SFXN1: variants seen among roughly 807,000 people sequenced by gnomAD.
The protein encoded by SFXN1 is sideroflexin 1.
A neutral mutation model predicts 39.5 loss-of-function variants in SFXN1; 32 were observed. The observed-to-expected ratio is 0.81, with a 90% CI of 0.61 to 1.09. SFXN1 has a LOEUF of 1.09. SFXN1 is among the 50% of genes least tolerant of loss of function. SFXN1 has a pLI of 0.00. For synonymous variants in SFXN1, 136 were observed against 146.5 expected, an observed-to-expected ratio of 0.93 and a Z score of 0.52; for missense variants, 402 against 407.1, an observed-to-expected ratio of 0.99 and a Z score of 0.11.
Position 175,527,048 on chromosome 5 carries a change from G to C in SFXN1, c.*314G>C. ...AAAAGCACTGGTAGGCATAGAATAG[G>C]TGCTCAGTATATGGTCAGTAAATGT... On this transcript the variant is annotated 3_prime_UTR_variant, in exon 11 of 11. Coordinates refer to ENST00000321442, the MANE Select transcript of SFXN1 (RefSeq NM_022754.7). 1 of 335,820 alleles carries C rather than the reference G, an allele frequency of 3.0e-6. No individual in the cohort carries two copies. Among genetic ancestry groups the C allele is most frequent in the South Asian group, 4.9e-5 (1 of 20,226 alleles). The allele number at this position is 335,820 out of a possible 1,614,324, so 20.8% of individuals were successfully genotyped here.
At chr5:175,525,287 T>C (rs932122029) in intron 10 of SFXN1, among the ~76,000 whole-genome samples, 1 of 152,180 alleles carries the variant, frequency 6.6e-6, no homozygotes, top group Non-Finnish European at 1.5e-5. Context: ...GCCTTCAACA[T>C]CTCAGTTGCA....
chr5:175,507,106 C>T (rs557137825), intron 2 of SFXN1, among the ~76,000 whole-genome samples: 5 of 152,268 alleles, frequency 3.3e-5, no homozygotes, highest in African/African-American at 1.2e-4. Flanking sequence ...GTTCTAGAGG[C>T]TCTAGGAATG....
At chr5:175,503,828 C>T (rs1426129297) in intron 2 of SFXN1, among the ~76,000 whole-genome samples, 1 of 152,058 alleles carries the variant, frequency 6.6e-6, no homozygotes, top group Non-Finnish European at 1.5e-5. Flanking sequence ...CATGGTGAAA[C>T]CCCGTTTCTA....
chr5:175,508,013 C>CAAAA (rs1172321005), intron 2 of SFXN1, among the ~76,000 whole-genome samples: 4 of 150,874 alleles, frequency 2.7e-5, no homozygotes, highest in Admixed American at 1.3e-4. Flanking sequence ...ACTAGCTTTT[C>CAAAA]ATTCTATAGG....
chr5:175,485,676 T>G (rs1759424308), intron 1 of SFXN1, among the ~76,000 whole-genome samples: 1 of 152,250 alleles, frequency 6.6e-6, no homozygotes, highest in South Asian at 2.1e-4. Context: ...TTATTAGACC[T>G]TCTCACAGCT....
chr5:175,528,557 T>A lies in SFXN1; in HGVS notation c.*1823T>A, dbSNP rs1222025412. 6.6e-6 allele frequency: 1 copy of A among 152,128 alleles called. No individual in the cohort carries two copies. The highest frequency in any genetic ancestry group is 1.5e-5 in the Non-Finnish European group (1 of 68,032). 9.4% of individuals were successfully genotyped at this position (152,128 alleles called of 1,614,324 possible). A position where few individuals can be genotyped will look rare whatever the true frequency, so the allele number is the denominator to read the frequency against. ...TAGAAACTATTTAGTTTTGGTAGAT[T>A]TTTTTTCTGACAATGTGACCAGACT... On this transcript the variant is annotated 3_prime_UTR_variant, in exon 11 of 11. Transcript: ENST00000321442.
intron 7 of SFXN1, among the ~76,000 whole-genome samples, chr5:175,515,484 A>G (rs894433346): frequency 6.6e-6 from 1 of 152,226 alleles, no homozygotes; most frequent in Non-Finnish European, 1.5e-5. Context: ...AGTAATTGAC[A>G]TATTGAAATA....
intron 8 of SFXN1, among the ~76,000 whole-genome samples, chr5:175,521,080 G>A (rs531858090): frequency 6.6e-6 from 1 of 152,192 alleles, no homozygotes; most frequent in African/African-American, 2.4e-5. Flanking sequence ...TAAGCTGGCT[G>A]ATTTCATTAC....
chr5:175,510,850 A>G (rs1417427336), intron 4 of SFXN1, among the ~76,000 whole-genome samples: 1 of 152,242 alleles, frequency 6.6e-6, no homozygotes, highest in Non-Finnish European at 1.5e-5. Context: ...TTGACAACAC[A>G]TATTCTTCTA....
chr5:175,508,756 G>A (rs1352616736), intron 2 of SFXN1, among the ~76,000 whole-genome samples: 1 of 152,046 alleles, frequency 6.6e-6, no homozygotes, highest in African/African-American at 2.4e-5. Context: ...TCTTGCCTTA[G>A]CCTCCTGAGT....
At chr5:175,480,593 T>C (rs531857163) in intron 1 of SFXN1, among the ~76,000 whole-genome samples, 16 of 152,316 alleles carry the variant, frequency 1.1e-4, no homozygotes, top group Admixed American at 1.0e-3. Context: ...GTGAAGTGTT[T>C]AGCTGTTCTT....
intron 1 of SFXN1, among the ~76,000 whole-genome samples, chr5:175,490,074 T>G (rs1303999662): frequency 6.6e-6 from 1 of 152,224 alleles, no homozygotes; most frequent in African/African-American, 2.4e-5. Context: ...TGCAATGTTG[T>G]GTCCAAAAGT....
At chr5:175,502,373 A>G (rs2662158) in intron 2 of SFXN1, among the ~76,000 whole-genome samples, 8,329 of 152,236 alleles carry the variant, frequency 0.055, 749 homozygotes, top group African/African-American at 0.19. Flanking sequence ...GAGCCAGACC[A>G]TGAACTGAAT....
At chr5:175,510,580 A>G (rs1026496964) in intron 4 of SFXN1, among the ~76,000 whole-genome samples, 2 of 152,194 alleles carry the variant, frequency 1.3e-5, no homozygotes, top group Non-Finnish European at 2.9e-5. Context: ...GTTGACAGAC[A>G]CCAACGTTAA....
chr5:175,495,429 C>G (rs571282664), intron 2 of SFXN1, among the ~76,000 whole-genome samples: 1 of 152,258 alleles, frequency 6.6e-6, no homozygotes, highest in Non-Finnish European at 1.5e-5. Flanking sequence ...GAATTGTATA[C>G]TTAAAAATGG....
intron 2 of SFXN1, among the ~76,000 whole-genome samples, chr5:175,494,848 T>C (rs1020614895): frequency 4.6e-5 from 7 of 150,708 alleles, no homozygotes; most frequent in African/African-American, 1.7e-4. Flanking sequence ...TAATACCAAA[T>C]AGAGTTAAAA....
At chr5:175,494,049 T>C (rs1204367986) in intron 2 of SFXN1, among the ~76,000 whole-genome samples, 3 of 152,104 alleles carry the variant, frequency 2.0e-5, no homozygotes, top group Non-Finnish European at 4.4e-5. Context: ...GAATGGAGAC[T>C]GAAGATAAAA....
chr5:175,507,388 T>C (rs1369174372), intron 2 of SFXN1, among the ~76,000 whole-genome samples: 1 of 152,212 alleles, frequency 6.6e-6, no homozygotes, highest in Non-Finnish European at 1.5e-5. Context: ...TATAGAAGAA[T>C]ATCTGAAGAC....
Position 175,527,202 on chromosome 5 carries a change from A to G in SFXN1, c.*468A>G, listed in dbSNP as rs1373661696. On this transcript the variant is annotated 3_prime_UTR_variant, in exon 11 of 11. Coordinates refer to ENST00000321442, the MANE Select transcript of SFXN1 (RefSeq NM_022754.7). ...ATACAAAAGCTCTGGGCTAATCTATAAAAACTTACCCTGAAATATTAAGGG... is the reference window on the plus strand; with the variant it reads ...ATACAAAAGCTCTGGGCTAATCTATGAAAACTTACCCTGAAATATTAAGGG... 2 of 138,546 alleles carry G rather than the reference A, an allele frequency of 1.4e-5. No homozygotes were observed. Among genetic ancestry groups the G allele is most frequent in the South Asian group, 2.3e-4 (1 of 4,304 alleles). The allele number at this position is 138,546 out of a possible 1,614,324, so 8.6% of individuals were successfully genotyped here. A position where few individuals can be genotyped will look rare whatever the true frequency, so the allele number is the denominator to read the frequency against.
Sources: gnomAD v4.1 joint callset for allele counts (sites outside exome capture counted in the v4.1 genomes callset) on GRCh38, gnomAD v4.1.1 for gene constraint, MANE v1.5 for transcripts, NCBI Gene and HGNC (gene_info 2026-07-23, HGNC 2026-07-21) for gene names.